PCDHA3: variants seen among roughly 807,000 people sequenced by gnomAD.
PCDHA3 encodes the protein protocadherin alpha-3.
Under a neutral mutation model 62.2 loss-of-function variants are expected in PCDHA3, and 41 were observed. That is an observed-to-expected ratio of 0.66 (90% confidence interval 0.51 to 0.86). The LOEUF (loss-of-function observed/expected upper bound fraction) is 0.86. PCDHA3 is among the 40% of genes least tolerant of loss of function. The pLI is 0.00. For missense variants in PCDHA3, 1,304 were observed against 1,241.2 expected (o/e 1.05, Z -0.76); for synonymous variants, 640 against 555.4 (o/e 1.15, Z -2.14).
chr5:140,862,881 T>C, intron 1 of PCDHA3: 3 of 564,618 alleles, frequency 5.3e-6, no homozygotes, highest in Non-Finnish European at 1.0e-5. Context: ...GTATTAGTGC[T>C]GGAACGACAA....
At chr5:141,000,376 T>C (rs2097906883) in intron 3 of PCDHA3, among the ~76,000 whole-genome samples, 1 of 58,410 alleles carries the variant, frequency 1.7e-5, no homozygotes, top group Non-Finnish European at 3.2e-5. Flanking sequence ...TCTCTCTCTC[T>C]CTCTCTCTCT....
intron 1 of PCDHA3, chr5:140,870,383 G>C: frequency 6.2e-7 from 1 of 1,614,242 alleles, no homozygotes; most frequent in South Asian, 1.1e-5. Flanking sequence ...GTGACTGCGC[G>C]GGATGGGGGT....
chr5:140,890,775 CATAAG>C (rs1358140207), intron 1 of PCDHA3, among the ~76,000 whole-genome samples: 5 of 152,040 alleles, frequency 3.3e-5, no homozygotes, highest in Admixed American at 6.6e-5. Context: ...TTTAAAACCC[CATAAG>C]ATATTAGTAT....
chr5:140,970,912 T>C (rs1035265875), intron 1 of PCDHA3, among the ~76,000 whole-genome samples: 3 of 152,212 alleles, frequency 2.0e-5, no homozygotes, highest in Non-Finnish European at 2.9e-5. Flanking sequence ...TTTATTCATT[T>C]ATCAGAAGTG....
At chr5:140,835,645 A>G (rs1554135161) in intron 1 of PCDHA3, 3 of 1,613,728 alleles carry the variant, frequency 1.9e-6, no homozygotes, top group African/African-American at 2.7e-5. Context: ...GTGTCCGCCT[A>G]TGAGCTGGTG....
chr5:140,992,352 G>C (rs1554252825), intron 3 of PCDHA3, among the ~76,000 whole-genome samples: 1 of 152,162 alleles, frequency 6.6e-6, no homozygotes, highest in African/African-American at 2.4e-5. Context: ...TGTGGAGAGA[G>C]GAGAAAAATG....
chr5:141,000,421 A>ATAT (rs1265241806), intron 3 of PCDHA3, among the ~76,000 whole-genome samples: 11 of 27,980 alleles, frequency 3.9e-4, no homozygotes, highest in South Asian at 1.9e-3. Flanking sequence ...ATATATATAT[A>ATAT]TTTTTTTTTT....
intron 1 of PCDHA3, chr5:140,841,090 C>T: frequency 1.8e-6 from 1 of 559,860 alleles, no homozygotes; most frequent in East Asian, 3.0e-5. Flanking sequence ...CATAGAAGAA[C>T]CCAGATATTG....
intron 1 of PCDHA3, among the ~76,000 whole-genome samples, chr5:140,936,344 T>C (rs1403940424): frequency 6.6e-6 from 1 of 152,224 alleles, no homozygotes; most frequent in Non-Finnish European, 1.5e-5. Context: ...TATCTGCATA[T>C]ATGGAATGTG....
chr5:140,953,938 C>T (rs1349031672), intron 1 of PCDHA3, among the ~76,000 whole-genome samples: 1 of 152,088 alleles, frequency 6.6e-6, no homozygotes, highest in African/African-American at 2.4e-5. Context: ...CTCTCCCTCC[C>T]ATTGCTCCCC....
chr5:140,859,369 T>C (rs1469149070), intron 1 of PCDHA3: 1 of 262,962 alleles, frequency 3.8e-6, no homozygotes, highest in Non-Finnish European at 7.0e-6. Flanking sequence ...TATTGTATAG[T>C]TTAATAGCTT....
chr5:140,855,718 G>T (rs1468611504), intron 1 of PCDHA3, among the ~76,000 whole-genome samples: 1 of 149,568 alleles, frequency 6.7e-6, no homozygotes, highest in Non-Finnish European at 1.5e-5. Flanking sequence ...AACATTTATT[G>T]TTATTAACTA....
At chr5:140,829,946 C>A in intron 1 of PCDHA3, 1 of 1,613,986 alleles carries the variant, frequency 6.2e-7, no homozygotes, top group East Asian at 2.2e-5. Flanking sequence ...AAGCAGCGCT[C>A]GCTTCCCGTT....
chr5:140,823,995 C>T, intron 1 of PCDHA3: 1 of 1,614,158 alleles, frequency 6.2e-7, no homozygotes, highest in Admixed American at 1.7e-5. Context: ...CTCTGTTGTG[C>T]TCCAGCGCGG....
chr5:140,902,203 C>CTTTTTTTT (rs148688132), intron 1 of PCDHA3, among the ~76,000 whole-genome samples: 9 of 124,444 alleles, frequency 7.2e-5, no homozygotes, highest in Non-Finnish European at 8.4e-5. Context: ...CTCTCTCTTT[C>CTTTTTTTT]TTTTTTTTTT....
At chr5:140,859,049 C>A (rs1416112480) in intron 1 of PCDHA3, 2 of 150,472 alleles carry the variant, frequency 1.3e-5, no homozygotes, top group African/African-American at 4.9e-5. Flanking sequence ...AAAACGTTTT[C>A]CATTTTTATT....
intron 1 of PCDHA3, among the ~76,000 whole-genome samples, chr5:140,924,896 AAAAAAAAAATAAAATAAAAT>A (rs1488372568): frequency 0.024 from 1,693 of 69,132 alleles, 31 homozygotes; most frequent in African/African-American, 0.08. Context: ...ACCTGTCTCA[AAAAAAAAAATAAAATAAAAT>A]AAAATAAAAT....
intron 1 of PCDHA3, chr5:140,827,833 A>G (rs1769423756): frequency 4.6e-6 from 2 of 432,110 alleles, no homozygotes; most frequent in Non-Finnish European, 8.0e-6. Context: ...AAAGTAGAGA[A>G]AAGAAGATAC....
chr5:140,805,611 A>G (rs1763606381), intron 1 of PCDHA3: 8 of 909,630 alleles, frequency 8.8e-6, no homozygotes, highest in Non-Finnish European at 1.1e-5. Flanking sequence ...AAATTTCTTT[A>G]TGTAAGAAAA....
Sources: gnomAD v4.1 joint callset for allele counts (sites outside exome capture counted in the v4.1 genomes callset) on GRCh38, gnomAD v4.1.1 for gene constraint, MANE v1.5 for transcripts, NCBI Gene and HGNC (gene_info 2026-07-23, HGNC 2026-07-21) for gene names.